ROCK1: variants seen among roughly 807,000 people sequenced by gnomAD.
ROCK1 encodes rho-associated protein kinase 1.
ROCK1 carries 36 observed loss-of-function variants against 196.8 expected under a neutral mutation model. The ratio of observed to expected loss-of-function variants is 0.18; its 90% CI spans 0.14 to 0.24. ROCK1 has a LOEUF of 0.24. Ranked by LOEUF, ROCK1 falls within the 10% of genes least tolerant of loss-of-function variation. The pLI is 1.00. For missense variants in ROCK1, 920 were observed against 1,562.0 expected, an observed-to-expected ratio of 0.59 and a Z score of 6.93; for synonymous variants, 443 against 515.9, an observed-to-expected ratio of 0.86 and a Z score of 1.91.
At chr18:20,959,087 T>TATATAATA (rs1568367376) in intron 29 of ROCK1, among the ~76,000 whole-genome samples, 1 of 30,320 alleles carries the variant, frequency 3.3e-5, no homozygotes, top group African/African-American at 1.9e-4. Context: ...TATATATATT[T>TATATAATA]TATATAATAT....
At chr18:20,988,612 A>G (rs1568376584) in intron 18 of ROCK1, among the ~76,000 whole-genome samples, 2 of 152,158 alleles carry the variant, frequency 1.3e-5, no homozygotes, top group African/African-American at 4.8e-5. Flanking sequence ...TGAACTTACT[A>G]TCACTTCTGC....
chr18:21,025,623 G>A (rs1462781780), intron 10 of ROCK1, among the ~76,000 whole-genome samples: 2 of 152,152 alleles, frequency 1.3e-5, no homozygotes, highest in Non-Finnish European at 2.9e-5. Context: ...TGTAATCCCA[G>A]CTACTCAGAG....
At position 20,970,438 on chromosome 18, in the gene ROCK1, T is replaced by C; in HGVS notation, c.2730A>G (p.Glu910=). The stretch of plus-strand genomic sequence containing the variant: ...CTTGCGTCAATTCAAAATACTGTTC[T>C]TCCAGAAGGCCTCGCGCCAACTGCT... ...ESEQLARGLL[E]EQYFELTQES... The change falls in exon 23 of 33, where the codon GAA becomes GAG. Residue 910 remains glutamate, a synonymous_variant. Coordinates refer to ENST00000399799, the MANE Select transcript of ROCK1 (RefSeq NM_005406.3). 2 of 1,613,990 alleles carry C rather than the reference T, an allele frequency of 1.2e-6. No homozygotes were observed. Among genetic ancestry groups the C allele is most frequent in the Non-Finnish European group, 1.7e-6 (2 of 1,179,850 alleles).
intron 10 of ROCK1, among the ~76,000 whole-genome samples, chr18:21,026,003 G>T (rs1450216718): frequency 1.3e-5 from 2 of 152,088 alleles, no homozygotes; most frequent in African/African-American, 2.4e-5. Flanking sequence ...TTAACTGAAG[G>T]TTACCATTAT....
intron 27 of ROCK1, among the ~76,000 whole-genome samples, chr18:20,965,870 C>G (rs1192811049): frequency 1.3e-5 from 2 of 152,142 alleles, no homozygotes; most frequent in East Asian, 1.9e-4. Context: ...GGCCAGGGAT[C>G]ACATAGCATA....
rs2035175147 is a variant in ROCK1, at chr18:20,950,442, CAAATT to C, written c.*937_*941del. On this transcript the variant is annotated 3_prime_UTR_variant, in exon 33 of 33. Transcript: ENST00000399799. Reference sequence around the variant, plus strand: ...ACTCATGGCAGTAAAATAATTATCTCAAATTAAGGCACTAAAAGGACAATGCAACC... The same window carrying C: ...ACTCATGGCAGTAAAATAATTATCTCAAGGCACTAAAAGGACAATGCAACC... 1 of 152,248 alleles carries C rather than the reference CAAATT, an allele frequency of 6.6e-6. No homozygotes were observed. The highest frequency in any genetic ancestry group is 2.4e-5 in the African/African-American group (1 of 41,294). 9.4% of individuals were successfully genotyped at this position (152,248 alleles called of 1,614,324 possible). A position where few individuals can be genotyped will look rare whatever the true frequency, so the allele number is the denominator to read the frequency against.
intron 29 of ROCK1, among the ~76,000 whole-genome samples, chr18:20,959,047 A>T (rs1400483268): frequency 1.6e-4 from 8 of 49,536 alleles, no homozygotes; most frequent in African/African-American, 9.1e-4. Flanking sequence ...TATAATATAT[A>T]ATATATATAT....
At chr18:20,987,534 G>A (rs1381075959) in intron 18 of ROCK1, among the ~76,000 whole-genome samples, 2 of 152,140 alleles carry the variant, frequency 1.3e-5, no homozygotes, top group South Asian at 2.1e-4. Context: ...GGCTATGGTA[G>A]GAACTCCAAT....
chr18:20,969,382 TAAC>T (rs2035405075), intron 23 of ROCK1, 174 bp from the exon 24 acceptor site: 1 of 493,468 alleles, frequency 2.0e-6, no homozygotes, highest in Non-Finnish European at 3.5e-6. Flanking sequence ...TAAAAGTAGT[TAAC>T]AGCATCCAAA....
chr18:21,005,860 G>A (rs549074040), intron 16 of ROCK1, among the ~76,000 whole-genome samples: 1 of 152,230 alleles, frequency 6.6e-6, no homozygotes, highest in East Asian at 1.9e-4. Flanking sequence ...CTGTGCAACA[G>A]AGCAAGTTCC....
At chr18:21,102,615 G>A (rs1346259882) in intron 1 of ROCK1, among the ~76,000 whole-genome samples, 4 of 152,158 alleles carry the variant, frequency 2.6e-5, no homozygotes, top group Admixed American at 6.5e-5. Context: ...TGTGGCTCAC[G>A]CCTGTAATCC....
intron 1 of ROCK1, among the ~76,000 whole-genome samples, chr18:21,075,333 A>G (rs1217855802): frequency 2.0e-5 from 3 of 152,200 alleles, no homozygotes; most frequent in Non-Finnish European, 4.4e-5. Context: ...AGGAACAGGA[A>G]GGGTTGAAAA....
intron 1 of ROCK1, among the ~76,000 whole-genome samples, chr18:21,083,874 T>C (rs2036503336): frequency 6.6e-6 from 1 of 152,146 alleles, no homozygotes; most frequent in Non-Finnish European, 1.5e-5. Context: ...ATTTCAAATG[T>C]ATGGAGAGAG....
At chr18:21,103,353 CTGTT>C (rs575379989) in intron 1 of ROCK1, among the ~76,000 whole-genome samples, 1 of 152,070 alleles carries the variant, frequency 6.6e-6, no homozygotes, top group South Asian at 2.1e-4. Context: ...CATCATTTAA[CTGTT>C]TAAGTTTTAT....
At chr18:20,979,584 T>C (rs905010327) in intron 22 of ROCK1, among the ~76,000 whole-genome samples, 1 of 151,420 alleles carries the variant, frequency 6.6e-6, no homozygotes, top group Non-Finnish European at 1.5e-5. Context: ...ATCATGCCAC[T>C]GCACTCCAGC....
intron 9 of ROCK1, among the ~76,000 whole-genome samples, chr18:21,036,954 T>G (rs1424860199): frequency 6.6e-6 from 1 of 152,166 alleles, no homozygotes; most frequent in African/African-American, 2.4e-5. Context: ...CCAACAATTG[T>G]CAATTCCTTC....
chr18:20,971,341 C>CACACAG (rs35571240), intron 22 of ROCK1, among the ~76,000 whole-genome samples: 1 of 19,812 alleles, frequency 5.0e-5, no homozygotes, highest in African/African-American at 1.0e-4. Flanking sequence ...CACACACACA[C>CACACAG]ACATACACAC....
rs2036753764 is a variant in ROCK1 at position 21,111,645 on chromosome 18, T to A, written c.-735A>T. On this transcript the variant is annotated 5_prime_UTR_variant, in exon 1 of 33. Coordinates refer to ENST00000399799, the MANE Select transcript of ROCK1 (RefSeq NM_005406.3). This position sits in a 1 kb window ranked among gnomAD's most constrained non-coding sequence, Gnocchi z 4.2. Reference sequence around the variant, plus strand: ...GAGCGGGCGAAGAGGAAGACGATAGTTGGGTCCCGGCGGCTGCTGATGGGG... The same window carrying A: ...GAGCGGGCGAAGAGGAAGACGATAGATGGGTCCCGGCGGCTGCTGATGGGG... 1 of 153,448 alleles carries A rather than the reference T, an allele frequency of 6.5e-6. No individual in the cohort carries two copies. The highest frequency in any genetic ancestry group is 2.1e-4 in the South Asian group (1 of 4,870). 9.5% of individuals were successfully genotyped at this position (153,448 alleles called of 1,614,324 possible). A position where few individuals can be genotyped will look rare whatever the true frequency, so the allele number is the denominator to read the frequency against.
At chr18:21,043,236 G>T (rs1270480111) in intron 6 of ROCK1, among the ~76,000 whole-genome samples, 2 of 152,024 alleles carry the variant, frequency 1.3e-5, no homozygotes, top group Non-Finnish European at 2.9e-5. Flanking sequence ...TACAAAAGCT[G>T]ACTGTACAAA....
Sources: gnomAD v4.1 joint callset for allele counts (sites outside exome capture counted in the v4.1 genomes callset) on GRCh38, gnomAD v4.1.1 for gene constraint, Gnocchi (gnomAD v3.1) non-coding constraint, MANE v1.5 for transcripts, NCBI Gene and HGNC (gene_info 2026-07-23, HGNC 2026-07-21) for gene names.